The following ERLEC1 variants were observed in gnomAD, a reference collection of about 807,000 sequenced individuals.
The protein encoded by ERLEC1 is endoplasmic reticulum lectin 1, also known as ER lectin.
Under a neutral mutation model 68.0 loss-of-function variants are expected in ERLEC1, and 47 were observed. That is an observed-to-expected ratio of 0.69 (90% confidence interval 0.55 to 0.88). The LOEUF is 0.88. ERLEC1 is among the 40% of genes least tolerant of loss of function. The pLI is 0.00. For missense variants in ERLEC1, 567 were observed against 583.8 expected (o/e 0.97, Z 0.30); for synonymous variants, 225 against 203.2 (o/e 1.11, Z -0.91).
At chr2:53,792,033 T>C (rs1234499365) in intron 1 of ERLEC1, among the ~76,000 whole-genome samples, 3 of 150,396 alleles carry the variant, frequency 2.0e-5, no homozygotes, top group Non-Finnish European at 4.4e-5. Context: ...TGCCTCAGCC[T>C]CCCGAGTAGC....
In ERLEC1 at chr2:53,791,906, T is replaced by TA. The variant is rs569591198; in HGVS notation, c.163-2414dup. Among the ~76,000 whole-genome samples the TA allele has an allele frequency of 5.4e-3, 635 of 117,754 alleles. 1 individual carries two copies. Among genetic ancestry groups the TA allele is most frequent in the Middle Eastern group, 8.6e-3 (2 of 232 alleles). 77.3% of individuals were successfully genotyped at this position (117,754 alleles called of 152,430 possible). A position where few individuals can be genotyped will look rare whatever the true frequency, so the allele number is the denominator to read the frequency against. On this transcript the variant is annotated intron_variant, in intron 1 of 13. Coordinates refer to ENST00000185150, the MANE Select transcript of ERLEC1 (RefSeq NM_015701.5). ...TCCCTCATCATCTATAATGCTCTTT[T>TA]AAAAAAAAAAAAAAAAAAAAAAAAA...
chr2:53,811,217 A>C (rs1200563157), intron 10 of ERLEC1, among the ~76,000 whole-genome samples: 2 of 152,206 alleles, frequency 1.3e-5, no homozygotes, highest in East Asian at 1.9e-4. Flanking sequence ...CAGTGTATTT[A>C]ACCAGACCAG....
At chr2:53,803,587 C>G (rs1412013358) in intron 8 of ERLEC1, among the ~76,000 whole-genome samples, 1 of 139,744 alleles carries the variant, frequency 7.2e-6, no homozygotes, top group East Asian at 2.1e-4. Context: ...AACTAAAACC[C>G]TGTCTCTACA....
intron 9 of ERLEC1, 41 bp from the exon 10 acceptor site, chr2:53,809,173 C>A (rs752560056): frequency 1.4e-6 from 2 of 1,444,874 alleles, no homozygotes; most frequent in Non-Finnish European, 1.9e-6. Context: ...TGAGAAAGGC[C>A]CAGTTCTTAA....
intron 1 of ERLEC1, among the ~76,000 whole-genome samples, chr2:53,793,778 G>T (rs1433782312): frequency 6.6e-6 from 1 of 151,656 alleles, no homozygotes; most frequent in Non-Finnish European, 1.5e-5. Flanking sequence ...ACATTATTTT[G>T]TTCATTTATT....
intron 10 of ERLEC1, among the ~76,000 whole-genome samples, chr2:53,811,980 C>T (rs1296674562): frequency 6.6e-6 from 1 of 152,098 alleles, no homozygotes; most frequent in East Asian, 1.9e-4. Context: ...TGCAATGGCG[C>T]AATCTTGGCT....
chr2:53,795,822 T>TC (rs1313831781), intron 2 of ERLEC1, 111 bp from the exon 3 acceptor site: 32 of 688,752 alleles, frequency 4.6e-5, no homozygotes, highest in African/African-American at 4.5e-4. Flanking sequence ...GACTTTTTTT[T>TC]CTCTTTTATT....
chr2:53,788,116 T>C (rs1307988445), intron 1 of ERLEC1, among the ~76,000 whole-genome samples: 1 of 152,182 alleles, frequency 6.6e-6, no homozygotes, highest in Non-Finnish European at 1.5e-5. Flanking sequence ...TGCAGGCTAA[T>C]AAATATTGTA....
At chr2:53,796,675 C>A (rs962530554) in intron 3 of ERLEC1, among the ~76,000 whole-genome samples, 1 of 151,886 alleles carries the variant, frequency 6.6e-6, no homozygotes, top group Non-Finnish European at 1.5e-5. Flanking sequence ...GTCTCAGACT[C>A]CTGAACTCAA....
chr2:53,791,993 G>T (rs7557316), intron 1 of ERLEC1, among the ~76,000 whole-genome samples: 1,712 of 150,112 alleles, frequency 0.011, 34 homozygotes, highest in African/African-American at 0.04. Context: ...CTCTCTGCAA[G>T]CTCCGCCTCC....
chr2:53,795,839 C>T (rs1204196065), intron 2 of ERLEC1, 94 bp from the exon 3 acceptor site: 2 of 767,284 alleles, frequency 2.6e-6, no homozygotes, highest in Non-Finnish European at 4.3e-6. Context: ...TATTTCTAAG[C>T]ATTTGTGATT....
chr2:53,818,534 A>G lies in ERLEC1; in HGVS notation c.*565A>G, dbSNP rs1349369046. 6.6e-6 allele frequency: 1 copy of G among 152,198 alleles called. No individual in the cohort carries two copies. The highest frequency in any genetic ancestry group is 1.9e-4 in the East Asian group (1 of 5,204). 9.4% of individuals were successfully genotyped at this position (152,198 alleles called of 1,614,324 possible). A position where few individuals can be genotyped will look rare whatever the true frequency, so the allele number is the denominator to read the frequency against. On this transcript the variant is annotated 3_prime_UTR_variant, in exon 14 of 14. Coordinates refer to ENST00000185150, the MANE Select transcript of ERLEC1 (RefSeq NM_015701.5). ...CATGGGAGTTGTCCTCACCCTTGTTAATCTCAAGAAACTCTTATTTATAAT... is the reference window on the plus strand; with the variant it reads ...CATGGGAGTTGTCCTCACCCTTGTTGATCTCAAGAAACTCTTATTTATAAT...
Position 53,801,836 on chromosome 2 carries a change from T to C in ERLEC1, c.873T>C (p.Asn291=). The C allele has an allele frequency of 2.5e-6, 4 of 1,613,226 alleles. No homozygotes were observed. The highest frequency in any genetic ancestry group is 3.4e-6 in the Non-Finnish European group (4 of 1,179,560). Residue 291 remains asparagine (N), a synonymous_variant, in exon 8 of 14, where the codon AAT becomes AAC. Coordinates refer to ENST00000185150, the MANE Select transcript of ERLEC1 (RefSeq NM_015701.5). Reference sequence around the variant, plus strand: ...TACTAAGGGTGCCTTTTAGGAGAAATAAAGAGGTATGAGAATTGTCTAATG... The same window carrying C: ...TACTAAGGGTGCCTTTTAGGAGAAACAAAGAGGTATGAGAATTGTCTAATG... ...EEILRVPFRR[N]KEEDLQSTKE...
chr2:53,796,915 A>G (rs1675742147), intron 3 of ERLEC1, among the ~76,000 whole-genome samples: 1 of 136,930 alleles, frequency 7.3e-6, no homozygotes, highest in African/African-American at 2.7e-5. Context: ...TTTTTGAGAC[A>G]GAGTTTCACT....
chr2:53,814,833 A>G, intron 12 of ERLEC1, 27 bp from the exon 13 acceptor site: 3 of 1,528,998 alleles, frequency 2.0e-6, no homozygotes, highest in East Asian at 4.5e-5. Context: ...TGATTTGGAC[A>G]GTACCTTAAA....
intron 2 of ERLEC1, 32 bp from the exon 3 acceptor site, chr2:53,795,901 A>T (rs1371549235): frequency 7.0e-7 from 1 of 1,422,378 alleles, no homozygotes; most frequent in East Asian, 2.3e-5. Flanking sequence ...TTCTAGAAAA[A>T]CTGTAAGTAT....
chr2:53,790,506 T>C (rs1052535597), intron 1 of ERLEC1, among the ~76,000 whole-genome samples: 1 of 152,236 alleles, frequency 6.6e-6, no homozygotes, highest in Non-Finnish European at 1.5e-5. Flanking sequence ...AAGATCTGAA[T>C]TTTTTAAGCT....
chr2:53,803,369 G>C (rs977611200), intron 8 of ERLEC1, among the ~76,000 whole-genome samples: 1 of 152,164 alleles, frequency 6.6e-6, no homozygotes, highest in African/African-American at 2.4e-5. Flanking sequence ...TGATAGTGAA[G>C]TATACTGGCA....
At chr2:53,790,391 C>T (rs1675326400) in intron 1 of ERLEC1, among the ~76,000 whole-genome samples, 3 of 152,030 alleles carry the variant, frequency 2.0e-5, no homozygotes, top group African/African-American at 7.2e-5. Context: ...AGCCACCGTG[C>T]CTGGCCGCGG....
Sources: allele counts gnomAD v4.1 joint callset (sites outside exome capture counted in the v4.1 genomes callset), GRCh38; gene constraint gnomAD v4.1.1; transcripts MANE v1.5; gene names NCBI Gene and HGNC (gene_info 2026-07-23, HGNC 2026-07-21).